FARSB: variants seen among roughly 807,000 people sequenced by gnomAD.
FARSB encodes phenylalanyl-tRNA synthetase subunit beta.
In FARSB, 40 loss-of-function variants were observed where a neutral mutation model predicts 69.6. That is an observed-to-expected ratio of 0.57 (90% confidence interval 0.45 to 0.75). The LOEUF is 0.75. Among genes scored for constraint, FARSB ranks in the 30% least tolerant of loss-of-function variants. The probability of loss-of-function intolerance (pLI) is 0.00; values close to 1 mark genes in which losing one functional copy is unlikely to be tolerated. For synonymous variants in FARSB, 235 were observed against 247.2 expected, an observed-to-expected ratio of 0.95 and a Z score of 0.46; for missense variants, 632 against 722.9, an observed-to-expected ratio of 0.87 and a Z score of 1.44.
intron 9 of FARSB, 131 bp downstream of exon 9, chr2:222,629,982 C>T (rs1366097741): frequency 1.6e-6 from 1 of 614,352 alleles, no homozygotes; most frequent in African/African-American, 2.0e-5. Flanking sequence ...CTCAAGCAAT[C>T]CTCCCGCCTC....
chr2:222,630,717 A>C (rs577846420), intron 8 of FARSB, among the ~76,000 whole-genome samples: 1 of 152,318 alleles, frequency 6.6e-6, no homozygotes, highest in African/African-American at 2.4e-5. Context: ...ACCTTATTGG[A>C]ATATATGCTT....
chr2:222,630,007 C>CT, intron 9 of FARSB, 106 bp downstream of exon 9: 1 of 701,626 alleles, frequency 1.4e-6, no homozygotes, highest in South Asian at 1.7e-5. Context: ...TCCCAAAGTG[C>CT]TGGGATTATA....
intron 13 of FARSB, among the ~76,000 whole-genome samples, chr2:222,620,710 C>T (rs375939819): frequency 2.0e-5 from 3 of 152,130 alleles, no homozygotes; most frequent in Non-Finnish European, 2.9e-5. Context: ...GCATTTAAAA[C>T]GTAACACAAA....
intron 13 of FARSB, among the ~76,000 whole-genome samples, chr2:222,621,400 T>C (rs1691131477): frequency 6.6e-6 from 1 of 152,168 alleles, no homozygotes; most frequent in Non-Finnish European, 1.5e-5. Context: ...TTTTTGTATT[T>C]TTAGTAGAGA....
intron 1 of FARSB, among the ~76,000 whole-genome samples, chr2:222,653,702 C>T (rs1163089498): frequency 6.6e-6 from 1 of 151,572 alleles, no homozygotes; most frequent in Admixed American, 6.6e-5. Context: ...TTGATCACCG[C>T]TCACTACAGC....
At chr2:222,581,930 G>A (rs548706236) in intron 16 of FARSB, among the ~76,000 whole-genome samples, 1 of 152,342 alleles carries the variant, frequency 6.6e-6, no homozygotes, top group East Asian at 1.9e-4. Context: ...TGGTGACCAT[G>A]GCTGTGGAGA....
chr2:222,597,630 C>T (rs1041662667), intron 16 of FARSB, among the ~76,000 whole-genome samples: 1 of 152,076 alleles, frequency 6.6e-6, no homozygotes, highest in Admixed American at 6.5e-5. Context: ...CAAAAAGTTC[C>T]AAGTGGCACT....
At position 222,634,472 on chromosome 2, in the gene FARSB, T is replaced by C. The variant is rs766694961; in HGVS notation, c.525A>G (p.Ala175=). ...DTLSGPFTYT[A]KRPSDIKFKP... is the part of the protein sequence containing the mutation. ...TGAATTTGATATCTGAAGGACGCTT[T>C]GCAGTATAAGTAAATGGGCCCGACA... The change falls in exon 6 of 17, where the codon GCA becomes GCG. Residue 175 remains alanine (A), a synonymous_variant. Transcript: ENST00000281828. 4 of 1,612,768 alleles carry C rather than the reference T, an allele frequency of 2.5e-6. No individual in the cohort carries two copies. The East Asian group carries it at 8.9e-5, about 36-fold the overall frequency.
chr2:222,623,868 C>A (rs112456913), intron 12 of FARSB, 138 bp from the exon 13 acceptor site: 2 of 639,066 alleles, frequency 3.1e-6, no homozygotes, highest in African/African-American at 3.7e-5. Flanking sequence ...CCCTTACTAA[C>A]GTACTGCTAA....
chr2:222,574,537 C>G (rs1173974753), intron 16 of FARSB, among the ~76,000 whole-genome samples: 1 of 152,144 alleles, frequency 6.6e-6, no homozygotes, highest in African/African-American at 2.4e-5. Context: ...CTGCTGCCCT[C>G]TTGTCCAATA....
At chr2:222,629,683 C>T (rs187969068) in intron 9 of FARSB, among the ~76,000 whole-genome samples, 22 of 152,284 alleles carry the variant, frequency 1.4e-4, no homozygotes, top group Middle Eastern at 6.8e-3. Flanking sequence ...GTCTTATCTC[C>T]CTGAACAGAT....
intron 16 of FARSB, among the ~76,000 whole-genome samples, chr2:222,587,842 G>C (rs144465272): frequency 6.6e-6 from 1 of 152,092 alleles, no homozygotes; most frequent in African/African-American, 2.4e-5. Flanking sequence ...TCCATAACAG[G>C]CTCTGAAATT....
chr2:222,629,852 T>A (rs1406604292), intron 9 of FARSB, among the ~76,000 whole-genome samples: 1 of 152,152 alleles, frequency 6.6e-6, no homozygotes, highest in East Asian at 1.9e-4. Context: ...GCAATCCTCC[T>A]GCCTCAGTCT....
intron 10 of FARSB, among the ~76,000 whole-genome samples, chr2:222,625,729 T>A (rs1028687767): frequency 1.3e-5 from 2 of 152,214 alleles, no homozygotes; most frequent in Non-Finnish European, 2.9e-5. Flanking sequence ...AGCTGAACAG[T>A]ACGAGATGCA....
chr2:222,631,745 C>G (rs1691431645), intron 7 of FARSB, 71 bp from the exon 8 acceptor site: 1 of 873,566 alleles, frequency 1.1e-6, no homozygotes, highest in African/African-American at 1.7e-5. Flanking sequence ...TTAAGCTCAA[C>G]AAAACAGAAA....
rs149887553 is a variant in FARSB, at chr2:222,619,693, A to G, written c.1296T>C (p.Ser432=). The change falls in exon 14 of 17, where the codon TCT becomes TCC. Residue 432 remains serine, a synonymous_variant. Transcript: ENST00000281828. ...TACTTATGTGGACTGCCTTTGTTGC[A>G]GAGATATCCACACCTAGTTTATCAG... ...DIADKLGVDI[S]ATKAVHISNP... The G allele has an allele frequency of 6.2e-7, 1 of 1,608,234 alleles. No homozygotes were observed. Among genetic ancestry groups the G allele is most frequent in the Non-Finnish European group, 8.5e-7 (1 of 1,175,188 alleles).
intron 1 of FARSB, 125 bp downstream of exon 1, chr2:222,655,891 G>T: frequency 2.6e-6 from 2 of 755,672 alleles, no homozygotes; most frequent in Non-Finnish European, 2.3e-6. Context: ...GCCTTCCCGC[G>T]TAAACCCCGG....
In FARSB at chr2:222,584,994, G is replaced by C. The variant is rs191314336; in HGVS notation, c.1619-12972C>G. Among the ~76,000 whole-genome samples, 95 of 152,274 alleles carry C rather than the reference G, an allele frequency of 6.2e-4. No individual in the cohort carries two copies. In the Middle Eastern group the frequency reaches 0.02, roughly 33 times the overall value. ...GTCTGACAGCTTTGAAGAGAGTAGT[G>C]GTTCTCCCAGCACAGAGTTTGAGAT... On this transcript the variant is annotated intron_variant, in intron 16 of 16. Transcript: ENST00000281828.
chr2:222,608,183 T>C (rs763922056), intron 15 of FARSB, among the ~76,000 whole-genome samples: 16 of 152,184 alleles, frequency 1.1e-4, no homozygotes, highest in Non-Finnish European at 1.9e-4. Flanking sequence ...TTGGAAATTC[T>C]ACATGCCAAA....
Sources: gnomAD v4.1 joint callset for allele counts (sites outside exome capture counted in the v4.1 genomes callset) on GRCh38, gnomAD v4.1.1 for gene constraint, MANE v1.5 for transcripts, NCBI Gene and HGNC (gene_info 2026-07-23, HGNC 2026-07-21) for gene names.